Variants in PTPRD observed in about 807,000 individuals in gnomAD.
PTPRD encodes the protein protein tyrosine phosphatase receptor type D, also known as receptor-type tyrosine-protein phosphatase delta.
A neutral mutation model predicts 214.5 loss-of-function variants in PTPRD; 34 were observed. The ratio of observed to expected loss-of-function variants is 0.16; its 90% CI spans 0.12 to 0.21. The LOEUF (loss-of-function observed/expected upper bound fraction) is 0.21. Ranked by LOEUF, PTPRD falls within the 10% of genes least tolerant of loss-of-function variation. The probability of loss-of-function intolerance (pLI) is 1.00; values close to 1 mark genes in which losing one functional copy is unlikely to be tolerated. For missense variants in PTPRD, 2,545 were observed against 2,398.7 expected, an observed-to-expected ratio of 1.06 and a Z score of -1.27; for synonymous variants, 1,128 against 845.7, an observed-to-expected ratio of 1.33 and a Z score of -5.79.
At chr9:8,454,742 A>C in intron 33 of PTPRD, 1 of 808,084 alleles carries the variant, frequency 1.2e-6, no homozygotes, top group Non-Finnish European at 2.0e-6. Context: ...AGCGACAGCG[A>C]ATCAAAATAT....
chr9:10,466,559 G>A (rs1456579837), intron 2 of PTPRD, among the ~76,000 whole-genome samples: 1 of 145,238 alleles, frequency 6.9e-6, no homozygotes, highest in Non-Finnish European at 1.5e-5. Flanking sequence ...GGAGGCAGAG[G>A]TTGCGGTGAG....
chr9:8,555,499 A>G (rs2083453323), intron 14 of PTPRD, among the ~76,000 whole-genome samples: 2 of 152,254 alleles, frequency 1.3e-5, no homozygotes, highest in South Asian at 2.1e-4. Flanking sequence ...AGGTTTTTAT[A>G]TGAGTCCATG....
intron 2 of PTPRD, among the ~76,000 whole-genome samples, chr9:10,509,570 T>TATATATATATATATATATATATATAC (rs2047302670): frequency 7.2e-6 from 1 of 138,854 alleles, no homozygotes; most frequent in Non-Finnish European, 1.5e-5. Flanking sequence ...TATATATATA[T>TATATATATATATATATATATATATAC]ATATATATAT....
intron 3 of PTPRD, among the ~76,000 whole-genome samples, chr9:10,284,206 G>C (rs993774505): frequency 6.6e-5 from 10 of 152,088 alleles, no homozygotes; most frequent in Non-Finnish European, 1.5e-5. Flanking sequence ...CTGTGTGACA[G>C]AGACCCCATC....
At chr9:8,777,245 G>C (rs1053631299) in intron 11 of PTPRD, among the ~76,000 whole-genome samples, 4 of 151,966 alleles carry the variant, frequency 2.6e-5, no homozygotes, top group Non-Finnish European at 5.9e-5. Flanking sequence ...CTCCCAAAGA[G>C]TAAATTATCA....
intron 9 of PTPRD, among the ~76,000 whole-genome samples, chr9:9,357,304 A>C (rs1474823221): frequency 3.3e-5 from 5 of 151,372 alleles, no homozygotes; most frequent in African/African-American, 1.2e-4. Context: ...TTCTGTTGAA[A>C]TGTAAATTCC....
At chr9:10,119,878 A>G (rs1172845206) in intron 3 of PTPRD, among the ~76,000 whole-genome samples, 1 of 152,046 alleles carries the variant, frequency 6.6e-6, no homozygotes, top group Non-Finnish European at 1.5e-5. Context: ...AAAACGTAGG[A>G]GGGCATGCTT....
At chr9:9,346,354 C>A (rs888250691) in intron 9 of PTPRD, among the ~76,000 whole-genome samples, 1 of 152,018 alleles carries the variant, frequency 6.6e-6, no homozygotes, top group African/African-American at 2.4e-5. Flanking sequence ...ATAATTTGAT[C>A]TTGAGAAAAA....
chr9:9,339,677 A>G (rs922982497), intron 9 of PTPRD, among the ~76,000 whole-genome samples: 3 of 152,158 alleles, frequency 2.0e-5, no homozygotes, highest in Admixed American at 6.5e-5. Context: ...ACCAAGAAAC[A>G]CTTAGAATAG....
chr9:10,377,948 C>T (rs567911299), intron 2 of PTPRD, among the ~76,000 whole-genome samples: 33 of 152,044 alleles, frequency 2.2e-4, no homozygotes, highest in South Asian at 4.1e-4. Flanking sequence ...TTGGATCATA[C>T]GGTAGCTCTA....
At chr9:9,589,233 G>C (rs1011101396) in intron 7 of PTPRD, among the ~76,000 whole-genome samples, 4 of 151,830 alleles carry the variant, frequency 2.6e-5, no homozygotes, top group African/African-American at 9.7e-5. Context: ...ATAGCACATA[G>C]TAGCATACAG....
intron 39 of PTPRD, among the ~76,000 whole-genome samples, chr9:8,369,681 T>C (rs1316344300): frequency 6.6e-6 from 1 of 152,018 alleles, no homozygotes; most frequent in Non-Finnish European, 1.5e-5. Flanking sequence ...TTCAATTTTT[T>C]TCATAAATAA....
chr9:8,366,676 G>A (rs1346494539), intron 39 of PTPRD, among the ~76,000 whole-genome samples: 1 of 126,722 alleles, frequency 7.9e-6, no homozygotes, highest in Non-Finnish European at 1.8e-5. Flanking sequence ...CATCTCATCT[G>A]TTATCTTTGG....
At position 8,905,733 on chromosome 9, in the gene PTPRD, C is replaced by T. The variant is rs1336511120; in HGVS notation, c.-104+112964G>A. Among the ~76,000 whole-genome samples, 5 of 136,836 alleles carry T rather than the reference C, an allele frequency of 3.7e-5. No individual in the cohort carries two copies. In the East Asian group the frequency reaches 1.0e-3, roughly 27 times the overall value. The allele number at this position is 136,836 out of a possible 152,430, so 89.8% of individuals were successfully genotyped here. On this transcript the variant is annotated intron_variant, in intron 11 of 45. Coordinates refer to ENST00000381196, the MANE Select transcript of PTPRD (RefSeq NM_002839.4). ...CAGCCTGGGAGACAGAGTGAGACTCCCTCGCAAAAAAAAAAAAAAAAATGG... is the reference window on the plus strand; with the variant it reads ...CAGCCTGGGAGACAGAGTGAGACTCTCTCGCAAAAAAAAAAAAAAAAATGG...
At chr9:9,309,438 CTACTT>C (rs1297564511) in intron 9 of PTPRD, among the ~76,000 whole-genome samples, 2 of 152,140 alleles carry the variant, frequency 1.3e-5, no homozygotes, top group African/African-American at 2.4e-5. Flanking sequence ...CTAGAATTGT[CTACTT>C]TACCTTATCT....
At chr9:10,367,619 T>A (rs752010612) in intron 2 of PTPRD, among the ~76,000 whole-genome samples, 2 of 152,144 alleles carry the variant, frequency 1.3e-5, no homozygotes, top group Non-Finnish European at 2.9e-5. Flanking sequence ...GATAAGTCAA[T>A]ATGAATAAAA....
chr9:8,434,086 G>A (rs1361542247), intron 35 of PTPRD, among the ~76,000 whole-genome samples: 1 of 152,102 alleles, frequency 6.6e-6, no homozygotes, highest in Non-Finnish European at 1.5e-5. Context: ...AGGTTCAAGC[G>A]ATTTTCCTGC....
chr9:10,184,567 C>G (rs980525174), intron 3 of PTPRD, among the ~76,000 whole-genome samples: 1 of 152,082 alleles, frequency 6.6e-6, no homozygotes, highest in African/African-American at 2.4e-5. Context: ...GTTTGGTAAA[C>G]GTTTGTTATA....
chr9:9,092,866 A>G (rs2099778242), intron 10 of PTPRD, among the ~76,000 whole-genome samples: 2 of 152,092 alleles, frequency 1.3e-5, no homozygotes, highest in Non-Finnish European at 2.9e-5. Context: ...TGTTCTAAAC[A>G]CACAAATTAA....
Sources: allele counts gnomAD v4.1 joint callset (sites outside exome capture counted in the v4.1 genomes callset), GRCh38; gene constraint gnomAD v4.1.1; transcripts MANE v1.5; gene names NCBI Gene and HGNC (gene_info 2026-07-23, HGNC 2026-07-21).